The following ROCK1 variants were observed in gnomAD, a reference collection of about 807,000 sequenced individuals.
ROCK1 encodes Rho associated coiled-coil containing protein kinase 1.
A neutral mutation model predicts 196.8 loss-of-function variants in ROCK1; 36 were observed. That is an observed-to-expected ratio of 0.18 (90% CI 0.14 to 0.24). ROCK1 has a LOEUF of 0.24. Ranked by LOEUF, ROCK1 falls within the 10% of genes least tolerant of loss-of-function variation. The probability of loss-of-function intolerance (pLI) is 1.00; values close to 1 mark genes in which losing one functional copy is unlikely to be tolerated. For synonymous variants in ROCK1, 443 were observed against 515.9 expected (o/e 0.86, Z 1.91); for missense variants, 920 against 1,562.0 (o/e 0.59, Z 6.93).
intron 1 of ROCK1, among the ~76,000 whole-genome samples, chr18:21,092,588 A>AAAAAAAAAAAAAAAAAC (rs2036580310): frequency 6.6e-6 from 1 of 151,384 alleles, no homozygotes; most frequent in Admixed American, 6.6e-5. Flanking sequence ...TTTAAAAAAA[A>AAAAAAAAAAAAAAAAAC]AAAAAAAAAA....
intron 1 of ROCK1, among the ~76,000 whole-genome samples, chr18:21,083,091 T>C (rs964926653): frequency 7.2e-5 from 11 of 152,254 alleles, no homozygotes; most frequent in African/African-American, 2.4e-4. Flanking sequence ...GTTTCATTTA[T>C]AAAAGCATCA....
rs1339816578 is a variant in ROCK1, at chr18:21,078,308, G to A, written c.94-7695C>T. On this transcript the variant is annotated intron_variant, in intron 1 of 32. Coordinates refer to ENST00000399799, the MANE Select transcript of ROCK1 (RefSeq NM_005406.3). The stretch of plus-strand genomic sequence containing the variant: ...GGCACCACTGCACTCCAGCCTGGGT[G>A]ACAGAGCAAGACTCTATCTCAAAAC... 2.0e-5 allele frequency among the ~76,000 whole-genome samples: 3 copies of A among 151,304 alleles called. No individual in the cohort carries two copies. In the East Asian group the frequency reaches 5.9e-4, roughly 30 times the overall value.
At chr18:21,091,495 C>T (rs544829592) in intron 1 of ROCK1, among the ~76,000 whole-genome samples, 6 of 147,320 alleles carry the variant, frequency 4.1e-5, no homozygotes, top group Admixed American at 2.1e-4. Context: ...CCCAGCTACT[C>T]GGGAGGCAGA....
chr18:21,009,860 A>G (rs970484802), intron 13 of ROCK1, among the ~76,000 whole-genome samples: 2 of 152,242 alleles, frequency 1.3e-5, no homozygotes, highest in African/African-American at 4.8e-5. Flanking sequence ...AAAAGTTTAA[A>G]AAGTATGGAT....
At chr18:20,995,810 T>C (rs536730779) in intron 16 of ROCK1, among the ~76,000 whole-genome samples, 1 of 152,180 alleles carries the variant, frequency 6.6e-6, no homozygotes, top group Non-Finnish European at 1.5e-5. Context: ...ATGGTTCCTC[T>C]AAGAGTCTGC....
chr18:21,015,483 T>C lies in ROCK1; in HGVS notation c.1362-4A>G, dbSNP rs745836547. ...GTCTAGTTTTATGTTTGAGGTTCTG[T>C]AAAAACAAAAGCAATACAGATTAGA... On this transcript the variant is annotated splice_polypyrimidine_tract_variant and splice_region_variant and intron_variant, in intron 12 of 32. Transcript: ENST00000399799. 1.5e-4 allele frequency: 236 copies of C among 1,535,732 alleles called. No homozygotes were observed. Among genetic ancestry groups the C allele is most frequent in the Non-Finnish European group, 2.1e-4 (232 of 1,114,188 alleles).
chr18:21,018,391 G>A (rs1428498104), intron 12 of ROCK1, among the ~76,000 whole-genome samples: 4 of 151,778 alleles, frequency 2.6e-5, no homozygotes, highest in Non-Finnish European at 5.9e-5. Context: ...CTAGCCAGGC[G>A]TGGTGGCAGG....
chr18:21,066,436 A>C (rs2036335211), intron 2 of ROCK1, among the ~76,000 whole-genome samples: 1 of 152,172 alleles, frequency 6.6e-6, no homozygotes, highest in Admixed American at 6.5e-5. Flanking sequence ...ATGAGCATTA[A>C]ACTTCATGTT....
At position 20,949,038 on chromosome 18, in the gene ROCK1, A is replaced by AGAAGAGGAAGCAGCTCTCCT. The variant is rs1326184109; in HGVS notation, c.*2326_*2345dup. On this transcript the variant is annotated 3_prime_UTR_variant, in exon 33 of 33. Transcript: ENST00000399799. ...TGGGAGTGAGTGGTTTCCTGAACTT[A>AGAAGAGGAAGCAGCTCTCCT]GAAGAGGAAGCAGCTCTCCTGGTTG... The AGAAGAGGAAGCAGCTCTCCT allele has an allele frequency of 6.6e-6, 1 of 152,270 alleles. No individual in the cohort carries two copies. The highest frequency in any genetic ancestry group is 1.5e-5 in the Non-Finnish European group (1 of 68,028). The allele number at this position is 152,270 out of a possible 1,614,324, so 9.4% of individuals were successfully genotyped here.
chr18:21,022,153 C>A (rs984484792), intron 11 of ROCK1, among the ~76,000 whole-genome samples: 3 of 151,732 alleles, frequency 2.0e-5, no homozygotes, highest in African/African-American at 4.8e-5. Context: ...GTCTCTGTGC[C>A]CCCCCACAAA....
chr18:21,065,541 T>A (rs1598549725), intron 2 of ROCK1, among the ~76,000 whole-genome samples: 1 of 152,260 alleles, frequency 6.6e-6, no homozygotes, highest in East Asian at 1.9e-4. Context: ...CTCTGTGACA[T>A]CCATAATGGT....
At chr18:21,039,872 A>T (rs1371408116) in intron 8 of ROCK1, among the ~76,000 whole-genome samples, 1 of 152,150 alleles carries the variant, frequency 6.6e-6, no homozygotes, top group Non-Finnish European at 1.5e-5. Flanking sequence ...CAGCCCAGCC[A>T]ACACTGTGAA....
At chr18:21,089,419 T>C (rs1017055588) in intron 1 of ROCK1, among the ~76,000 whole-genome samples, 1 of 152,198 alleles carries the variant, frequency 6.6e-6, no homozygotes, top group Non-Finnish European at 1.5e-5. Context: ...CAAATCTCTT[T>C]AGCATCTAGC....
At chr18:21,098,312 T>C (rs143823986) in intron 1 of ROCK1, among the ~76,000 whole-genome samples, 28 of 152,308 alleles carry the variant, frequency 1.8e-4, no homozygotes, top group African/African-American at 1.4e-4. Context: ...GAAAGTGGCA[T>C]TGTCAACCAA....
intron 29 of ROCK1, among the ~76,000 whole-genome samples, chr18:20,958,418 G>A (rs34934193): frequency 0.096 from 7,784 of 81,284 alleles, 1 homozygote; most frequent in East Asian, 0.37. Flanking sequence ...CTTTTCTCCT[G>A]CTAGTCGGTA....
At chr18:21,043,767 C>A (rs1311718076) in intron 6 of ROCK1, among the ~76,000 whole-genome samples, 1 of 151,768 alleles carries the variant, frequency 6.6e-6, no homozygotes, top group Non-Finnish European at 1.5e-5. Context: ...TTATGAAAGT[C>A]TAATTTTAAC....
chr18:21,049,142 A>G lies in ROCK1; in HGVS notation c.364T>C (p.Trp122Arg). The change falls in exon 4 of 33, where the codon TGG (tryptophan) becomes CGG (arginine). Residue 122 changes from tryptophan (W) to arginine (R), a missense_variant. By Grantham distance (101) the Trp-to-Arg change is moderately radical. Around this residue, in one of 6 missense-constraint regions of ROCK1, gnomAD observed 234 missense variants for 460.7 expected, o/e 0.51. Coordinates refer to ENST00000399799, the MANE Select transcript of ROCK1 (RefSeq NM_005406.3). ...MIKRSDSAFFWEERDIMAFAN... is the reference protein window; with the variant it reads ...MIKRSDSAFFREERDIMAFAN... Reference sequence around the variant, plus strand: ...AAAGCCATGATGTCCCTTTCTTCCCAGAAAAAAGCAGAATCAGATCTCTTT... The same window carrying G: ...AAAGCCATGATGTCCCTTTCTTCCCGGAAAAAAGCAGAATCAGATCTCTTT... The G allele has an allele frequency of 6.2e-7, 1 of 1,612,624 alleles. No homozygotes were observed. The highest frequency in any genetic ancestry group is 8.5e-7 in the Non-Finnish European group (1 of 1,179,044).
At chr18:21,052,003 A>G (rs2036207498) in intron 2 of ROCK1, among the ~76,000 whole-genome samples, 1 of 152,240 alleles carries the variant, frequency 6.6e-6, no homozygotes, top group Non-Finnish European at 1.5e-5. Flanking sequence ...AATACCCCAG[A>G]TGAGAGAGAA....
In ROCK1 at chr18:21,059,690, T is replaced by A. The variant is rs1235549659; in HGVS notation, c.176-9810A>T. 2.6e-5 allele frequency among the ~76,000 whole-genome samples: 4 copies of A among 152,304 alleles called. No individual in the cohort carries two copies. In the East Asian group the frequency reaches 7.7e-4, roughly 29 times the overall value. On this transcript the variant is annotated intron_variant, in intron 2 of 32. Transcript: ENST00000399799. ...GACCCACCAATTCCACTTCTAGGTATCTACGCAAGAACAATAAAAACATAT... is the reference window on the plus strand; with the variant it reads ...GACCCACCAATTCCACTTCTAGGTAACTACGCAAGAACAATAAAAACATAT...
Sources: gnomAD v4.1 joint callset for allele counts (sites outside exome capture counted in the v4.1 genomes callset) on GRCh38, gnomAD v4.1.1 for gene constraint, gnomAD v4.1.1 regional missense constraint, MANE v1.5 for transcripts, NCBI Gene and HGNC (gene_info 2026-07-23, HGNC 2026-07-21) for gene names.